The following TEX29 variants were observed in gnomAD, a reference collection of about 807,000 sequenced individuals.
TEX29 encodes testis-expressed protein 29.
Under a neutral mutation model 18.2 loss-of-function variants are expected in TEX29, and 26 were observed. The observed-to-expected ratio is 1.43, with a 90% CI of 1.04 to 1.98. TEX29 has a LOEUF of 1.98. Ranked by LOEUF, TEX29 falls within the 30% of genes most tolerant of loss-of-function variation. The pLI is 0.00. For missense variants in TEX29, 177 were observed against 194.2 expected, an observed-to-expected ratio of 0.91 and a Z score of 0.53; for synonymous variants, 83 against 78.5, an observed-to-expected ratio of 1.06 and a Z score of -0.31.
intron 3 of TEX29, among the ~76,000 whole-genome samples, chr13:111,335,595 C>T (rs773426885): frequency 6.6e-6 from 1 of 152,106 alleles, no homozygotes; most frequent in Non-Finnish European, 1.5e-5. Flanking sequence ...AGTTCATTTC[C>T]ATCATAGAGT....
Position 111,339,905 on chromosome 13 carries a change from G to A in TEX29, c.212G>A (p.Gly71Glu). The A allele has an allele frequency of 6.2e-7, 1 of 1,613,250 alleles. No homozygotes were observed. Among genetic ancestry groups the A allele is most frequent in the Non-Finnish European group, 8.5e-7 (1 of 1,179,486 alleles). ...TCTGCCTTGATTGTGATCATCGCTGGGGCCTTCGTCATCACCATCATCTAC... is the reference window on the plus strand; with the variant it reads ...TCTGCCTTGATTGTGATCATCGCTGAGGCCTTCGTCATCACCATCATCTAC... ...VFSALIVIIA[G>E]AFVITIIYRV... The change falls in exon 4 of 6, where the codon GGG becomes GAG. Residue 71 changes from glycine to glutamate, a missense_variant. Coordinates refer to ENST00000283547, the MANE Select transcript of TEX29 (RefSeq NM_152324.3).
chr13:111,334,688 C>T (rs890369494), intron 3 of TEX29, among the ~76,000 whole-genome samples: 1 of 152,186 alleles, frequency 6.6e-6, no homozygotes, highest in African/African-American at 2.4e-5. Context: ...AACTGCTAAC[C>T]AACACTTTAG....
intron 3 of TEX29, among the ~76,000 whole-genome samples, chr13:111,331,934 A>G (rs929754136): frequency 1.3e-5 from 2 of 152,216 alleles, no homozygotes; most frequent in African/African-American, 2.4e-5. Flanking sequence ...AGCCGGTGCC[A>G]CAGTTTTGAT....
intron 2 of TEX29, among the ~76,000 whole-genome samples, chr13:111,323,413 G>A (rs2093667945): frequency 6.6e-6 from 1 of 152,216 alleles, no homozygotes; most frequent in African/African-American, 2.4e-5. Context: ...ATACAGCCTC[G>A]GCTGCTGCCT....
chr13:111,342,625 A>G, intron 4 of TEX29, 131 bp from the exon 5 acceptor site: 1 of 772,616 alleles, frequency 1.3e-6, no homozygotes, highest in East Asian at 2.8e-5. Context: ...CAAAGCATTT[A>G]CCTTAAAAAA....
At chr13:111,327,513 C>A (rs573553513) in intron 2 of TEX29, among the ~76,000 whole-genome samples, 2 of 152,122 alleles carry the variant, frequency 1.3e-5, no homozygotes, top group Non-Finnish European at 2.9e-5. Context: ...GCACCCTGGG[C>A]CCTCACCTGC....
intron 3 of TEX29, among the ~76,000 whole-genome samples, chr13:111,335,378 A>G (rs2093688179): frequency 6.6e-6 from 1 of 152,190 alleles, no homozygotes; most frequent in African/African-American, 2.4e-5. Flanking sequence ...TCCAGTGTTG[A>G]ACGGCCTCTC....
chr13:111,325,421 C>T (rs1011834625), intron 2 of TEX29, among the ~76,000 whole-genome samples: 7 of 152,110 alleles, frequency 4.6e-5, no homozygotes, highest in East Asian at 1.9e-4. Flanking sequence ...GTGCAGTGGG[C>T]GAGCTGCCAG....
At chr13:111,340,052 C>A in intron 4 of TEX29, 120 bp downstream of exon 4, 2 of 884,518 alleles carry the variant, frequency 2.3e-6, no homozygotes, top group Non-Finnish European at 1.8e-6. Context: ...CTGAGAACAG[C>A]TCTCCGTGAG....
chr13:111,331,910 A>G (rs1400059556), intron 3 of TEX29, among the ~76,000 whole-genome samples: 1 of 152,190 alleles, frequency 6.6e-6, no homozygotes, highest in South Asian at 2.1e-4. Context: ...CTGTTCATCT[A>G]TATGTCTATC....
rs183242466 is a variant in TEX29 at position 111,332,059 on chromosome 13, T to C, written c.169+3766T>C. 7.6e-4 allele frequency among the ~76,000 whole-genome samples: 115 copies of C among 152,290 alleles called. 1 individual carries two copies. Among genetic ancestry groups the C allele is most frequent in the African/African-American group, 2.7e-3 (112 of 41,566 alleles). On this transcript the variant is annotated intron_variant, in intron 3 of 5. Transcript: ENST00000283547. ...GTCCCTTGCATTTCCAGATCAAATT[T>C]AGCTTGTCAATTTCTGCAGAAAAGA... is the stretch of plus-strand genomic sequence containing the variant.
chr13:111,326,680 AAC>A (rs1428922517), intron 2 of TEX29, among the ~76,000 whole-genome samples: 90 of 116,428 alleles, frequency 7.7e-4, no homozygotes, highest in East Asian at 1.1e-3. Flanking sequence ...GACTGCGGGC[AAC>A]GTGAGCCTGG....
chr13:111,320,804 C>A (rs1299627220), intron 1 of TEX29, 42 bp downstream of exon 1: 2 of 1,566,458 alleles, frequency 1.3e-6, no homozygotes, highest in African/African-American at 1.4e-5. Context: ...GCCGCCCGCT[C>A]CCCAAACGAC....
chr13:111,329,606 T>C (rs1567161286), intron 3 of TEX29, among the ~76,000 whole-genome samples: 1 of 151,990 alleles, frequency 6.6e-6, no homozygotes, highest in Non-Finnish European at 1.5e-5. Context: ...GCTTGGCTGC[T>C]CACCGCTTGC....
chr13:111,326,310 G>C (rs1397640069), intron 2 of TEX29, among the ~76,000 whole-genome samples: 10 of 76,204 alleles, frequency 1.3e-4, no homozygotes, highest in African/African-American at 5.3e-4. Context: ...GTGTGAGCCT[G>C]TCTGGTGGGG....
chr13:111,342,428 C>G (rs1227975378), intron 4 of TEX29, among the ~76,000 whole-genome samples: 1 of 151,904 alleles, frequency 6.6e-6, no homozygotes, highest in Non-Finnish European at 1.5e-5. Context: ...TGTGGTGGCT[C>G]ATACTTGTAA....
intron 3 of TEX29, among the ~76,000 whole-genome samples, chr13:111,329,795 C>T (rs998766503): frequency 3.3e-5 from 5 of 152,058 alleles, no homozygotes; most frequent in Non-Finnish European, 7.4e-5. Context: ...CAGTGGCTGT[C>T]GCAAGCCACA....
In TEX29 at chr13:111,342,854, AG is replaced by A. The variant is rs2093698842; in HGVS notation, c.339del (p.Lys113AsnfsTer2). ...EKAELASSSS[K>X]LGLKPASPGP... ...GCGGAGTTGGCCTCATCCAGCAGCAAGTTAGGGCTGAAGCCTGCGAGTCCTG... is the reference window on the plus strand; with the variant it reads ...GCGGAGTTGGCCTCATCCAGCAGCAATTAGGGCTGAAGCCTGCGAGTCCTG... On this transcript the variant is annotated frameshift_variant, in exon 5 of 6. Coordinates refer to ENST00000283547, the MANE Select transcript of TEX29 (RefSeq NM_152324.3). LOFTEE classifies it high-confidence loss of function. 1.9e-6 allele frequency: 3 copies of A among 1,614,056 alleles called. No homozygotes were observed. The highest frequency in any genetic ancestry group is 2.5e-6 in the Non-Finnish European group (3 of 1,180,054).
At chr13:111,320,542 A>G (rs2093662172), upstream of TEX29, 3 of 371,138 alleles carry the variant, frequency 8.1e-6, no homozygotes, top group African/African-American at 4.1e-5. Context: ...GTGGACACGC[A>G]CACGGCTCCG....
Sources: allele counts gnomAD v4.1 joint callset (sites outside exome capture counted in the v4.1 genomes callset), GRCh38; gene constraint gnomAD v4.1.1; transcripts MANE v1.5; gene names NCBI Gene and HGNC (gene_info 2026-07-23, HGNC 2026-07-21).